The following ANKRD62 variants were observed in gnomAD, a reference collection of about 807,000 sequenced individuals.
ANKRD62 encodes the protein ankyrin repeat domain 62, also known as ankyrin repeat domain-containing protein 62.
Under a neutral mutation model 98.8 loss-of-function variants are expected in ANKRD62, and 61 were observed. The ratio of observed to expected loss-of-function variants is 0.62; its 90% CI spans 0.50 to 0.76. The LOEUF (loss-of-function observed/expected upper bound fraction) is 0.76. ANKRD62 is among the 30% of genes least tolerant of loss of function. The pLI, the probability that ANKRD62 is intolerant of heterozygous loss-of-function variation, is 0.00. For synonymous variants in ANKRD62, 341 were observed against 367.9 expected, an observed-to-expected ratio of 0.93 and a Z score of 0.84; for missense variants, 933 against 1,082.9, an observed-to-expected ratio of 0.86 and a Z score of 1.94.
the ANKRD62 span, among the ~76,000 whole-genome samples, chr18:12,169,420 G>A: frequency 1.3e-5 from 2 of 152,060 alleles, no homozygotes; most frequent in South Asian, 2.1e-4. Context: ...TTCTGTTTAT[G>A]TGATGGATTA....
the ANKRD62 span, among the ~76,000 whole-genome samples, chr18:12,152,671 C>T: frequency 6.6e-6 from 1 of 152,150 alleles, no homozygotes; most frequent in African/African-American, 2.4e-5. Flanking sequence ...AAAACCAGCA[C>T]AAGACAAGGA....
chr18:12,104,633 C>T (rs1013088363), intron 7 of ANKRD62, among the ~76,000 whole-genome samples: 6 of 152,118 alleles, frequency 3.9e-5, no homozygotes, highest in African/African-American at 1.4e-4. Context: ...TACAAAACTG[C>T]TGCCTCGTTT....
In ANKRD62 at chr18:12,107,363, C is replaced by G; in HGVS notation, c.960C>G (p.Asp320Glu). ...MEVSRNVHAD[D>E]SDNYNDDVDE... ...TGTCAAGAAACGTACATGCTGATGA[C>G]AGTGACAATTATAATGATGATGTTG... The change falls in exon 8 of 14, where the codon GAC becomes GAG. Residue 320 changes from aspartate (D) to glutamate (E), a missense_variant. Physicochemically the swap from Asp to Glu is conservative, Grantham distance 45 (BLOSUM62 2). Around this residue, in one of 3 missense-constraint regions of ANKRD62, gnomAD observed 549 missense variants for 587.9 expected, o/e 0.93. Transcript: ENST00000587848. 1 of 1,520,440 alleles carries G rather than the reference C, an allele frequency of 6.6e-7. No homozygotes were observed. Among genetic ancestry groups the G allele is most frequent in the Non-Finnish European group, 8.8e-7 (1 of 1,139,464 alleles). 94.2% of individuals were successfully genotyped at this position (1,520,440 alleles called of 1,614,324 possible).
intron 7 of ANKRD62, among the ~76,000 whole-genome samples, chr18:12,105,283 A>G (rs371702579): frequency 2.0e-5 from 3 of 152,388 alleles, no homozygotes; most frequent in Middle Eastern, 3.4e-3. Context: ...TAACTATAAA[A>G]GAATAGAACT....
chr18:12,138,775 T>G, the ANKRD62 span, among the ~76,000 whole-genome samples: 1 of 152,198 alleles, frequency 6.6e-6, no homozygotes. Flanking sequence ...TCTTGTTGTA[T>G]TGATCCCTTT....
chr18:12,161,466 G>A, the ANKRD62 span, among the ~76,000 whole-genome samples: 2 of 103,588 alleles, frequency 1.9e-5, no homozygotes, highest in Admixed American at 9.3e-5. Context: ...TGGTACAGGC[G>A]TGCAATGCAT....
At chr18:12,132,934 T>C (rs1231030313), downstream of ANKRD62, among the ~76,000 whole-genome samples, 2 of 152,272 alleles carry the variant, frequency 1.3e-5, no homozygotes, top group African/African-American at 2.4e-5. Flanking sequence ...TAACATAAAA[T>C]TTAGCATTTT....
intron 6 of ANKRD62, chr18:12,102,006 C>T (rs1392073248): frequency 5.0e-5 from 66 of 1,315,568 alleles, no homozygotes; most frequent in Middle Eastern, 5.1e-4. Flanking sequence ...GCTTCCACAG[C>T]GTGGCAACAG....
chr18:12,115,701 A>C (rs142378589), intron 10 of ANKRD62, among the ~76,000 whole-genome samples, 167 bp downstream of exon 10: 347 of 152,256 alleles, frequency 2.3e-3, no homozygotes, highest in Middle Eastern at 0.01. Context: ...GTATACTCTT[A>C]GCCAAAGAGC....
chr18:12,098,935 G>A (rs1242911504), intron 5 of ANKRD62, among the ~76,000 whole-genome samples: 1 of 152,088 alleles, frequency 6.6e-6, no homozygotes. Context: ...TTCTGCCTTT[G>A]GTGTGATTGA....
At chr18:12,170,133 G>A in the ANKRD62 span, among the ~76,000 whole-genome samples, 1 of 152,114 alleles carries the variant, frequency 6.6e-6, no homozygotes, top group Admixed American at 6.5e-5. Context: ...ATCTCCTTCA[G>A]CTCTGCTCTG....
intron 10 of ANKRD62, among the ~76,000 whole-genome samples, chr18:12,120,212 T>C (rs1245229978): frequency 6.6e-6 from 1 of 152,222 alleles, no homozygotes; most frequent in East Asian, 1.9e-4. Context: ...CTCCTTGTTC[T>C]ATCACTTCCT....
the ANKRD62 span, among the ~76,000 whole-genome samples, chr18:12,171,818 C>A: frequency 6.6e-6 from 1 of 152,190 alleles, no homozygotes; most frequent in Non-Finnish European, 1.5e-5. Flanking sequence ...TCCCTTATTT[C>A]TTGGAGGCTT....
At chr18:12,179,337 C>T in the ANKRD62 span, among the ~76,000 whole-genome samples, 5 of 137,522 alleles carry the variant, frequency 3.6e-5, no homozygotes, top group African/African-American at 1.4e-4. Flanking sequence ...GAAGAGTCTC[C>T]TAGAATAGAG....
rs1461211486 is a variant in ANKRD62 at position 12,125,640 on chromosome 18, C to G, written c.1819C>G (p.Leu607Val). 6 of 1,529,038 alleles carry G rather than the reference C, an allele frequency of 3.9e-6. No homozygotes were observed. Among genetic ancestry groups the G allele is most frequent in the Non-Finnish European group, 5.2e-6 (6 of 1,144,890 alleles). 94.7% of individuals were successfully genotyped at this position (1,529,038 alleles called of 1,614,324 possible). Residue 607 changes from leucine (L) to valine (V), a missense_variant, in exon 13 of 14, where the codon CTC becomes GTC. Physicochemically the swap from Leu to Val is conservative, Grantham distance 32. Transcript: ENST00000587848. ...KENNEDLEKT[L>V]KRNEEALTKT... Reference sequence around the variant, plus strand: ...AAACAATGAAGACCTTGAAAAGACTCTCAAGCGGAATGAGGAAGCATTAAC... The same window carrying G: ...AAACAATGAAGACCTTGAAAAGACTGTCAAGCGGAATGAGGAAGCATTAAC...
rs1598732661 is a variant in ANKRD62, at chr18:12,107,447, G to A, written c.1044G>A (p.Lys348=). 1 of 1,505,542 alleles carries A rather than the reference G, an allele frequency of 6.6e-7. No individual in the cohort carries two copies. Among genetic ancestry groups the A allele is most frequent in the Non-Finnish European group, 8.8e-7 (1 of 1,132,610 alleles). 93.3% of individuals were successfully genotyped at this position (1,505,542 alleles called of 1,614,324 possible). The change falls in exon 8 of 14, where the codon AAG becomes AAA. Residue 348 remains lysine, a synonymous_variant. Transcript: ENST00000587848. ...RKPDNHQSPG[K]ENGEFDRLAR... ...CTGATAATCATCAATCTCCTGGGAA[G>A]GAGAATGGCGAGTTTGATAGGTAAT... is the stretch of plus-strand genomic sequence containing the variant.
chr18:12,110,347 A>G (rs569017580), intron 8 of ANKRD62, among the ~76,000 whole-genome samples: 1 of 152,352 alleles, frequency 6.6e-6, no homozygotes, highest in South Asian at 2.1e-4. Flanking sequence ...TATGGTCTTT[A>G]TAAGCATGAG....
Position 12,115,404 on chromosome 18 carries a change from A to T in ANKRD62, c.1110A>T (p.Gln370His). The T allele has an allele frequency of 6.5e-7, 1 of 1,533,974 alleles. No homozygotes were observed. Among genetic ancestry groups the T allele is most frequent in the Non-Finnish European group, 8.7e-7 (1 of 1,145,514 alleles). ...TSNEKSKVKSQIYFTDDLNDI... is the reference protein window; with the variant it reads ...TSNEKSKVKSHIYFTDDLNDI... The stretch of plus-strand genomic sequence containing the variant: ...TATTTATTTTATAGGTTAAAAGCCA[A>T]ATATATTTCACGGATGACCTTAATG... Residue 370 changes from glutamine (Q) to histidine (H), a missense_variant, in exon 10 of 14, where the codon CAA (glutamine) becomes CAT (histidine). Coordinates refer to ENST00000587848, the MANE Select transcript of ANKRD62 (RefSeq NM_001277333.2).
intron 13 of ANKRD62, among the ~76,000 whole-genome samples, chr18:12,126,949 C>G (rs879387015): frequency 6.6e-6 from 1 of 152,112 alleles, no homozygotes; most frequent in Non-Finnish European, 1.5e-5. Flanking sequence ...TATATTGATA[C>G]AAACATTCCA....
Sources: allele counts gnomAD v4.1 joint callset (sites outside exome capture counted in the v4.1 genomes callset), GRCh38; gene constraint gnomAD v4.1.1; regional missense constraint gnomAD v4.1.1; transcripts MANE v1.5; gene names NCBI Gene and HGNC (gene_info 2026-07-23, HGNC 2026-07-21).